Variants in RYR3 observed in about 807,000 individuals in gnomAD.
The protein encoded by RYR3 is ryanodine receptor 3.
A neutral mutation model predicts 584.3 loss-of-function variants in RYR3; 207 were observed. The ratio of observed to expected loss-of-function variants is 0.35; its 90% CI spans 0.32 to 0.40. The LOEUF is 0.40. RYR3 is among the 10% of genes least tolerant of loss of function. The pLI is 1.00. For synonymous variants in RYR3, 2,416 were observed against 2,248.5 expected (o/e 1.07, Z -2.11); for missense variants, 5,616 against 6,089.2 (o/e 0.92, Z 2.59).
intron 1 of RYR3, among the ~76,000 whole-genome samples, chr15:33,332,943 A>G (rs1178866485): frequency 2.0e-5 from 3 of 152,022 alleles, no homozygotes; most frequent in Non-Finnish European, 4.4e-5. Context: ...CACGAAATCA[A>G]TCATATCCAA....
chr15:33,782,450 G>T (rs902436204), intron 65 of RYR3, among the ~76,000 whole-genome samples: 1 of 152,182 alleles, frequency 6.6e-6, no homozygotes, highest in African/African-American at 2.4e-5. Context: ...ATCCATTAGC[G>T]ACACACTATG....
At chr15:33,441,380 T>C (rs2046219472) in intron 1 of RYR3, among the ~76,000 whole-genome samples, 1 of 152,230 alleles carries the variant, frequency 6.6e-6, no homozygotes, top group Non-Finnish European at 1.5e-5. Flanking sequence ...ATAGCACATA[T>C]AATTTTCCAG....
chr15:33,353,087 ATCT>A lies in RYR3; in HGVS notation c.51+41997_51+41999del, dbSNP rs1421007605. Reference sequence around the variant, plus strand: ...AGAGCAGCAGTTCTAGTGTTGTTTCATCTTCTTCATTCCTCTTCTCTAAGGTAT... The same window carrying A: ...AGAGCAGCAGTTCTAGTGTTGTTTCATCTTCATTCCTCTTCTCTAAGGTAT... On this transcript the variant is annotated intron_variant, in intron 1 of 103. Transcript: ENST00000634891. 4.6e-5 allele frequency among the ~76,000 whole-genome samples: 7 copies of A among 152,298 alleles called. No homozygotes were observed. The East Asian group carries it at 1.4e-3, about 29-fold the overall frequency.
intron 1 of RYR3, among the ~76,000 whole-genome samples, chr15:33,334,662 A>T (rs1970748826): frequency 6.6e-6 from 1 of 152,246 alleles, no homozygotes; most frequent in Admixed American, 6.5e-5. Context: ...CAATTGCAAC[A>T]AAAGCAAAAA....
chr15:33,444,330 A>G (rs1021816775), intron 1 of RYR3, among the ~76,000 whole-genome samples: 1 of 152,164 alleles, frequency 6.6e-6, no homozygotes, highest in Non-Finnish European at 1.5e-5. Context: ...TGAAAAACCA[A>G]AGGTTTAAGA....
chr15:33,760,758 C>G (rs1359341511), intron 60 of RYR3, among the ~76,000 whole-genome samples: 1 of 152,170 alleles, frequency 6.6e-6, no homozygotes, highest in Non-Finnish European at 1.5e-5. Flanking sequence ...ACTTAATAGA[C>G]ATCTACAGAA....
At chr15:33,341,996 G>A (rs144322800) in intron 1 of RYR3, among the ~76,000 whole-genome samples, 66 of 152,306 alleles carry the variant, frequency 4.3e-4, no homozygotes, top group Middle Eastern at 3.4e-3. Context: ...TTTAGGGTTA[G>A]TGATTCACCT....
chr15:33,727,290 C>T (rs1439815593), intron 46 of RYR3, among the ~76,000 whole-genome samples: 1 of 152,160 alleles, frequency 6.6e-6, no homozygotes, highest in Non-Finnish European at 1.5e-5. Context: ...TCTGAGTCGC[C>T]TCACCCATTA....
At chr15:33,425,935 C>T (rs2044622292) in intron 1 of RYR3, among the ~76,000 whole-genome samples, 1 of 152,110 alleles carries the variant, frequency 6.6e-6, no homozygotes, top group South Asian at 2.1e-4. Context: ...AGCCACCGCG[C>T]CTGGACTGTT....
chr15:33,451,864 A>T (rs906248401), intron 1 of RYR3, among the ~76,000 whole-genome samples: 1 of 152,274 alleles, frequency 6.6e-6, no homozygotes, highest in Non-Finnish European at 1.5e-5. Flanking sequence ...TAAAGCTCAT[A>T]AAATTAAGGG....
chr15:33,722,982 G>T, intron 44 of RYR3, 87 bp downstream of exon 44: 1 of 1,201,904 alleles, frequency 8.3e-7, no homozygotes, highest in Non-Finnish European at 1.2e-6. Flanking sequence ...GGAGGTAATA[G>T]AGAAAGCACA....
chr15:33,627,498 G>A (rs921658484), intron 20 of RYR3, among the ~76,000 whole-genome samples: 1 of 152,126 alleles, frequency 6.6e-6, no homozygotes, highest in Non-Finnish European at 1.5e-5. Context: ...TGTGGTGGAG[G>A]GTGTGTGTGA....
At chr15:33,761,347 C>G (rs1275426450) in intron 60 of RYR3, among the ~76,000 whole-genome samples, 1 of 151,682 alleles carries the variant, frequency 6.6e-6, no homozygotes, top group African/African-American at 2.4e-5. Context: ...CAAAATAGAC[C>G]ACTAGCCAGA....
At chr15:33,611,693 C>G (rs982598559) in intron 18 of RYR3, among the ~76,000 whole-genome samples, 9 of 152,158 alleles carry the variant, frequency 5.9e-5, no homozygotes, top group Non-Finnish European at 7.4e-5. Context: ...GGGTCTCATT[C>G]TGTCGCCCAG....
At chr15:33,486,299 T>G (rs1206418279) in intron 2 of RYR3, among the ~76,000 whole-genome samples, 1 of 152,214 alleles carries the variant, frequency 6.6e-6, no homozygotes, top group Non-Finnish European at 1.5e-5. Flanking sequence ...GGCAGGATAC[T>G]TCCTTGCCCA....
chr15:33,377,872 C>T (rs1434257301), intron 1 of RYR3, among the ~76,000 whole-genome samples: 1 of 152,152 alleles, frequency 6.6e-6, no homozygotes, highest in Non-Finnish European at 1.5e-5. Flanking sequence ...TGGCTCACTC[C>T]CAGGCCCAGG....
chr15:33,445,228 T>C (rs1324079255), intron 1 of RYR3, among the ~76,000 whole-genome samples: 1 of 151,838 alleles, frequency 6.6e-6, no homozygotes, highest in African/African-American at 2.4e-5. Flanking sequence ...GCAGTGAGGG[T>C]GATGCGAAGG....
Position 33,580,048 on chromosome 15 carries a change from C to A in RYR3, c.1341C>A (p.Ile447=). The A allele has an allele frequency of 6.2e-7, 1 of 1,613,706 alleles. No homozygotes were observed. The highest frequency in any genetic ancestry group is 8.5e-7 in the Non-Finnish European group (1 of 1,179,740). The change falls in exon 13 of 104, where the codon ATC becomes ATA. Residue 447 remains isoleucine, a synonymous_variant. Coordinates refer to ENST00000634891, the MANE Select transcript of RYR3 (RefSeq NM_001036.6). Reference sequence around the variant, plus strand: ...TCCTGCAGACCCTACAGGACTTGATCGCCTACTTCCAGCCCCCAGAGGAGG... The same window carrying A: ...TCCTGCAGACCCTACAGGACTTGATAGCCTACTTCCAGCCCCCAGAGGAGG... ...EEVLQTLQDL[I]AYFQPPEEEM...
At chr15:33,580,734 A>G (rs1302191967) in intron 13 of RYR3, among the ~76,000 whole-genome samples, 7 of 152,162 alleles carry the variant, frequency 4.6e-5, no homozygotes, top group Admixed American at 4.6e-4. Context: ...TTTAGTGCCA[A>G]CAGGCCATGG....
Sources: gnomAD v4.1 joint callset for allele counts (sites outside exome capture counted in the v4.1 genomes callset) on GRCh38, gnomAD v4.1.1 for gene constraint, MANE v1.5 for transcripts, NCBI Gene and HGNC (gene_info 2026-07-23, HGNC 2026-07-21) for gene names.